Variants in ZNF850 observed in about 807,000 individuals in gnomAD.
ZNF850 encodes the protein putative zinc finger protein ENSP00000330994.
ZNF850 carries 2 observed loss-of-function variants against 11.9 expected under a neutral mutation model. That is an observed-to-expected ratio of 0.17 (90% CI 0.07 to 0.53). The LOEUF (loss-of-function observed/expected upper bound fraction) is 0.53, where lower values mean the gene tolerates loss of function less well. Ranked by LOEUF, ZNF850 falls within the 20% of genes least tolerant of loss-of-function variation. ZNF850 has a pLI of 0.94. For synonymous variants in ZNF850, 381 were observed against 443.0 expected (o/e 0.86, Z 1.76); for missense variants, 1,014 against 1,316.4 (o/e 0.77, Z 3.55).
At chr19:36,751,062 T>G (rs2040450882) in intron 4 of ZNF850, among the ~76,000 whole-genome samples, 1 of 124,984 alleles carries the variant, frequency 8.0e-6, no homozygotes, top group Non-Finnish European at 1.6e-5. Context: ...CAAGACCCTG[T>G]CTTAAAAAAA....
At chr19:36,768,822 G>T (rs1404667761) in intron 1 of ZNF850, among the ~76,000 whole-genome samples, 1 of 152,022 alleles carries the variant, frequency 6.6e-6, no homozygotes, top group East Asian at 1.9e-4. Context: ...TATTAGCCCA[G>T]CATGGTGCCA....
At chr19:36,771,187 GT>G (rs1286497957) in intron 1 of ZNF850, among the ~76,000 whole-genome samples, 1 of 152,208 alleles carries the variant, frequency 6.6e-6, no homozygotes, top group African/African-American at 2.4e-5. Context: ...CGGAGCGGAA[GT>G]TTAATAAGCA....
intron 1 of ZNF850, among the ~76,000 whole-genome samples, chr19:36,763,508 C>A (rs2041692496): frequency 6.6e-6 from 1 of 151,838 alleles, no homozygotes; most frequent in Non-Finnish European, 1.5e-5. Context: ...CGCACCACTG[C>A]ACTCCAGACT....
At chr19:36,758,167 T>C (rs2040498061) in intron 4 of ZNF850, among the ~76,000 whole-genome samples, 1 of 152,184 alleles carries the variant, frequency 6.6e-6, no homozygotes, top group South Asian at 2.1e-4. Context: ...TGACGACTCA[T>C]GCCTTACAGG....
Position 36,760,341 on chromosome 19 carries a change from G to A in ZNF850, c.235+1302C>T, listed in dbSNP as rs571481892. Among the ~76,000 whole-genome samples the A allele has an allele frequency of 4.6e-5, 7 of 152,104 alleles. No homozygotes were observed. In the East Asian group the frequency reaches 5.8e-4, roughly 13 times the overall value. On this transcript the variant is annotated intron_variant, in intron 4 of 4. Coordinates refer to ENST00000591344, the MANE Select transcript of ZNF850 (RefSeq NM_001193552.2). ...GCGTGCCTGTAATCTTAGCTACTCCGGAGGCTGTGGCACGAGAATTGCTTG... is the reference window on the plus strand; with the variant it reads ...GCGTGCCTGTAATCTTAGCTACTCCAGAGGCTGTGGCACGAGAATTGCTTG...
At chr19:36,766,313 A>G (rs567528739) in intron 1 of ZNF850, among the ~76,000 whole-genome samples, 1 of 152,334 alleles carries the variant, frequency 6.6e-6, no homozygotes, top group African/African-American at 2.4e-5. Context: ...TGGGAAAGAT[A>G]TGCAATATTG....
intron 4 of ZNF850, among the ~76,000 whole-genome samples, chr19:36,759,879 TCA>T (rs1469357157): frequency 1.3e-5 from 2 of 152,210 alleles, no homozygotes; most frequent in Non-Finnish European, 2.9e-5. Flanking sequence ...GAAAAATCCC[TCA>T]GTCTATGCTA....
Position 36,748,795 on chromosome 19 carries a change from G to A in ZNF850, c.2245C>T (p.Gln749Ter), listed in dbSNP as rs2040431056. ...TSHSTLIQHQQIHTGEKPYDC... is the reference protein window; with the variant it reads ...TSHSTLIQHQ ...TAGGGTTTCTCACCAGTGTGAATTT[G>A]CTGATGTTGAATTAGTGTTGAGTGA... The change falls in exon 5 of 5, where the codon CAA becomes TAA. Residue 749 changes from glutamine to a stop codon, truncating the protein, a stop_gained. Coordinates refer to ENST00000591344, the MANE Select transcript of ZNF850 (RefSeq NM_001193552.2). LOFTEE classifies it low-confidence loss of function (END_TRUNC). 1.2e-5 allele frequency: 18 copies of A among 1,551,344 alleles called. No individual in the cohort carries two copies. Among genetic ancestry groups the A allele is most frequent in the Non-Finnish European group, 1.6e-5 (18 of 1,153,438 alleles).
chr19:36,754,703 C>G (rs1369679169), intron 4 of ZNF850, among the ~76,000 whole-genome samples: 1 of 151,924 alleles, frequency 6.6e-6, no homozygotes, highest in Non-Finnish European at 1.5e-5. Context: ...TTACAGGCGC[C>G]TGCCACCACG....
At chr19:36,769,272 AAAAAAAAGAAAGAAAG>A (rs1432832408) in intron 1 of ZNF850, among the ~76,000 whole-genome samples, 2 of 123,316 alleles carry the variant, frequency 1.6e-5, no homozygotes, top group South Asian at 2.9e-4. Flanking sequence ...AAAAAAAAAA[AAAAAAAAGAAAGAAAG>A]AAAGAAAGAA....
Position 36,761,711 on chromosome 19 carries a change from A to G in ZNF850, c.167T>C (p.Ile56Thr). Residue 56 changes from isoleucine to threonine, a missense_variant, in exon 4 of 5, where the codon ATT becomes ACT. Ile to Thr is a moderately conservative substitution (Grantham distance 89). Transcript: ENST00000591344. Reference protein sequence around the residue: ...LGLSIPKPDVISLLEQGKEPW... With the variant: ...LGLSIPKPDVTSLLEQGKEPW... ...CTCTTTCCCTTGCTCCAGTAAGGAA[A>G]TCACATCAGGCTTTGGGATAGAGAG... 6.4e-7 allele frequency: 1 copy of G among 1,558,840 alleles called. No individual in the cohort carries two copies. Among genetic ancestry groups the G allele is most frequent in the Non-Finnish European group, 8.6e-7 (1 of 1,157,710 alleles).
chr19:36,768,484 GT>G (rs2040561645), intron 1 of ZNF850, among the ~76,000 whole-genome samples: 1 of 152,028 alleles, frequency 6.6e-6, no homozygotes, highest in South Asian at 2.1e-4. Context: ...TTCAAACATA[GT>G]TTTAATTAGT....
rs77527025 is a variant in ZNF850, at chr19:36,759,093, A to T, written c.235+2550T>A. Among the ~76,000 whole-genome samples the T allele has an allele frequency of 5.6e-3, 847 of 152,232 alleles. 20 individuals are homozygous for T. Among genetic ancestry groups the T allele is most frequent in the Admixed American group, 0.036 (550 of 15,276 alleles). ...CAAGACTCCGTCTAAAAAAAAAAAA[A>T]ATATTGGCCCAGGAATCTCACATCT... is the stretch of plus-strand genomic sequence containing the variant. On this transcript the variant is annotated intron_variant, in intron 4 of 4. Coordinates refer to ENST00000591344, the MANE Select transcript of ZNF850 (RefSeq NM_001193552.2).
At position 36,749,972 on chromosome 19, in the gene ZNF850, C is replaced by A; in HGVS notation, c.1068G>T (p.Gln356His). 1 of 1,564,190 alleles carries A rather than the reference C, an allele frequency of 6.4e-7. No homozygotes were observed. ...AGGGTTTCTCACCAGTGTGAATTCG[C>A]TGATGTCGAATTAGTGCTGAGCCTG... ...FASGSALIRH[Q>H]RIHTGEKPYD... Residue 356 changes from glutamine (Q) to histidine (H), a missense_variant, in exon 5 of 5, where the codon CAG becomes CAT. By Grantham distance (24) the Gln-to-His change is conservative. Coordinates refer to ENST00000591344, the MANE Select transcript of ZNF850 (RefSeq NM_001193552.2).
intron 4 of ZNF850, among the ~76,000 whole-genome samples, chr19:36,760,117 T>C (rs1364078904): frequency 6.6e-6 from 1 of 152,236 alleles, no homozygotes; most frequent in Non-Finnish European, 1.5e-5. Flanking sequence ...CCTGGTTGAG[T>C]CTACTTTTTA....
At chr19:36,767,420 G>T (rs982418207) in intron 1 of ZNF850, among the ~76,000 whole-genome samples, 3 of 151,818 alleles carry the variant, frequency 2.0e-5, no homozygotes, top group African/African-American at 4.8e-5. Flanking sequence ...AGCCGGGTTT[G>T]GTGGCTCACA....
intron 4 of ZNF850, among the ~76,000 whole-genome samples, chr19:36,761,013 T>C (rs1410343475): frequency 6.6e-6 from 1 of 151,916 alleles, no homozygotes; most frequent in Non-Finnish European, 1.5e-5. Flanking sequence ...AGAACACAGG[T>C]TTAAATTTCA....
In ZNF850 at chr19:36,748,091, A is replaced by T; in HGVS notation, c.2949T>A (p.Cys983Ter). The T allele has an allele frequency of 6.4e-7, 1 of 1,554,820 alleles. No individual in the cohort carries two copies. ...RIHTGDRPYECKECGKSFTCG... is the reference protein window; with the variant it reads ...RIHTGDRPYE ...AAGTAAAAGATTTCCCACATTCTTT[A>T]CATTCATAAGGTCTGTCACCGGTAT... The change falls in exon 5 of 5, where the codon TGT becomes TGA. Residue 983 changes from cysteine (C) to a stop codon, truncating the protein, a stop_gained. Transcript: ENST00000591344. LOFTEE classifies it low-confidence loss of function (END_TRUNC).
chr19:36,754,807 G>A (rs576108274), intron 4 of ZNF850, among the ~76,000 whole-genome samples: 204 of 151,868 alleles, frequency 1.3e-3, no homozygotes, highest in Non-Finnish European at 2.6e-3. Flanking sequence ...CACCCACCTC[G>A]GCCTCCCAAA....
Sources: gnomAD v4.1 joint callset for allele counts (sites outside exome capture counted in the v4.1 genomes callset) on GRCh38, gnomAD v4.1.1 for gene constraint, MANE v1.5 for transcripts, NCBI Gene and HGNC (gene_info 2026-07-23, HGNC 2026-07-21) for gene names.